PDCD7: variants seen among roughly 807,000 people sequenced by gnomAD.
PDCD7 encodes the protein programmed cell death protein 7.
Under a neutral mutation model 42.1 loss-of-function variants are expected in PDCD7, and 40 were observed. That is an observed-to-expected ratio of 0.95 (90% CI 0.74 to 1.24). The LOEUF (loss-of-function observed/expected upper bound fraction) is 1.24, where lower values mean the gene tolerates loss of function less well. Among genes scored for constraint, PDCD7 ranks in the 50% most tolerant of loss-of-function variants. The probability of loss-of-function intolerance (pLI) is 0.00; values close to 1 mark genes in which losing one functional copy is unlikely to be tolerated. For synonymous variants in PDCD7, 299 were observed against 303.3 expected, an observed-to-expected ratio of 0.99 and a Z score of 0.15; for missense variants, 644 against 662.8, an observed-to-expected ratio of 0.97 and a Z score of 0.31.
At chr15:65,132,838 A>T in intron 1 of PDCD7, 74 bp downstream of exon 1, 1 of 1,578,540 alleles carries the variant, frequency 6.3e-7, no homozygotes, top group South Asian at 1.1e-5. Context: ...TGGGAAATGG[A>T]AGTTTAAAGC....
At chr15:65,129,632 C>T (rs1171791683) in intron 1 of PDCD7, among the ~76,000 whole-genome samples, 1 of 152,190 alleles carries the variant, frequency 6.6e-6, no homozygotes, top group Non-Finnish European at 1.5e-5. Flanking sequence ...TCTAAAGTCC[C>T]AAGGATCTCT....
intron 3 of PDCD7, 49 bp from the exon 4 acceptor site, chr15:65,119,512 T>A (rs375701007): frequency 1.9e-5 from 27 of 1,401,260 alleles, no homozygotes; most frequent in Non-Finnish European, 2.2e-5. Flanking sequence ...ATATCCACAG[T>A]GTATTTCTCA....
intron 1 of PDCD7, among the ~76,000 whole-genome samples, chr15:65,130,239 C>T (rs988368120): frequency 2.0e-5 from 3 of 146,784 alleles, no homozygotes; most frequent in Non-Finnish European, 3.0e-5. Flanking sequence ...CTTACTGCAA[C>T]CTCCGCCTCC....
Position 65,133,198 on chromosome 15 carries a change from AGGGCCTGGCTCAG to A in PDCD7, c.571_583del (p.Leu191CysfsTer32). 2.1e-6 allele frequency: 3 copies of A among 1,433,634 alleles called. No homozygotes were observed. Among genetic ancestry groups the A allele is most frequent in the Non-Finnish European group, 2.7e-6 (3 of 1,104,900 alleles). 88.8% of individuals were successfully genotyped at this position (1,433,634 alleles called of 1,614,324 possible). The stretch of plus-strand genomic sequence containing the variant: ...CGCGCCGTCGGCTTCGGCCTCGCGC[AGGGCCTGGCTCAG>A]GCCGCGCAGCCGCCGCACCAGGCGC... On this transcript the variant is annotated frameshift_variant, in exon 1 of 5. Transcript: ENST00000204549. LOFTEE classifies it high-confidence loss of function.
Position 65,117,941 on chromosome 15 carries a change from G to A in PDCD7, c.*776C>T, listed in dbSNP as rs2087420850. ...CCATAGCTACACTGGCTCCTACAATGTGACTGAGTGAGGTTAGGGAAATAT... is the reference window on the plus strand; with the variant it reads ...CCATAGCTACACTGGCTCCTACAATATGACTGAGTGAGGTTAGGGAAATAT... On this transcript the variant is annotated 3_prime_UTR_variant, in exon 5 of 5. Transcript: ENST00000204549. 6.6e-6 allele frequency: 1 copy of A among 152,218 alleles called. No individual in the cohort carries two copies. The highest frequency in any genetic ancestry group is 6.5e-5 in the Admixed American group (1 of 15,282). The allele number at this position is 152,218 out of a possible 1,614,324, so 9.4% of individuals were successfully genotyped here.
Position 65,133,175 on chromosome 15 carries a change from C to T in PDCD7, c.607G>A (p.Ala203Thr). ...TGGGAGTACAGCAGGACCCAGGCCG[C>T]GCCGTCGGCTTCGGCCTCGCGCAGG... The part of the protein sequence containing the change: ...QALREAEADG[A>T]AWVLLYSQTA... Residue 203 changes from alanine to threonine, a missense_variant, in exon 1 of 5, where the codon GCG becomes ACG. Transcript: ENST00000204549. The T allele has an allele frequency of 6.9e-7, 1 of 1,456,642 alleles. No individual in the cohort carries two copies. The highest frequency in any genetic ancestry group is 9.0e-7 in the Non-Finnish European group (1 of 1,115,260). 90.2% of individuals were successfully genotyped at this position (1,456,642 alleles called of 1,614,324 possible). A position where few individuals can be genotyped will look rare whatever the true frequency, so the allele number is the denominator to read the frequency against.
intron 2 of PDCD7, among the ~76,000 whole-genome samples, chr15:65,126,940 T>C (rs1290317098): frequency 6.6e-6 from 1 of 152,164 alleles, no homozygotes; most frequent in East Asian, 1.9e-4. Context: ...TTCTTTGACT[T>C]GAGAATTATT....
At chr15:65,129,761 C>G (rs1260960741) in intron 1 of PDCD7, among the ~76,000 whole-genome samples, 1 of 152,068 alleles carries the variant, frequency 6.6e-6, no homozygotes, top group Non-Finnish European at 1.5e-5. Flanking sequence ...TCACCAATAT[C>G]CTCACCATGG....
intron 1 of PDCD7, among the ~76,000 whole-genome samples, chr15:65,131,675 G>A (rs2087541078): frequency 6.6e-6 from 1 of 152,152 alleles, no homozygotes; most frequent in South Asian, 2.1e-4. Context: ...CTTGAACCCG[G>A]GAGGTGGAGG....
intron 2 of PDCD7, among the ~76,000 whole-genome samples, chr15:65,120,252 C>T (rs1010164237): frequency 3.3e-5 from 5 of 152,144 alleles, no homozygotes; most frequent in African/African-American, 9.6e-5. Context: ...CTCCTGGGCC[C>T]GAGATCCTCC....
chr15:65,133,549 CCA>C lies in PDCD7; in HGVS notation c.231_232del (p.Gly78ArgfsTer46). The C allele has an allele frequency of 8.1e-7, 1 of 1,229,442 alleles. No individual in the cohort carries two copies. The allele number at this position is 1,229,442 out of a possible 1,614,324, so 76.2% of individuals were successfully genotyped here. ...CGGTGGTGGCACCGGGTAGAAGGCG[CCA>C]GCGCCGCCTCCGCCGCGGGAGGCCT... is the stretch of plus-strand genomic sequence containing the variant. On this transcript the variant is annotated frameshift_variant, in exon 1 of 5. Coordinates refer to ENST00000204549, the MANE Select transcript of PDCD7 (RefSeq NM_005707.2). LOFTEE classifies it high-confidence loss of function.
At chr15:65,126,958 A>C (rs2087501313) in intron 2 of PDCD7, among the ~76,000 whole-genome samples, 1 of 152,050 alleles carries the variant, frequency 6.6e-6, no homozygotes. Context: ...ATTCACTAAT[A>C]ATTCTGAATT....
intron 2 of PDCD7, among the ~76,000 whole-genome samples, chr15:65,127,554 C>T (rs548823641): frequency 8.6e-5 from 13 of 151,658 alleles, no homozygotes; most frequent in Admixed American, 2.0e-4. Flanking sequence ...CAATTTGCAA[C>T]GTGGTCCTGC....
chr15:65,120,263 C>T (rs2087442725), intron 2 of PDCD7, among the ~76,000 whole-genome samples: 1 of 152,122 alleles, frequency 6.6e-6, no homozygotes, highest in Admixed American at 6.6e-5. Flanking sequence ...GAGATCCTCC[C>T]ACCTCAGCCT....
intron 1 of PDCD7, 146 bp downstream of exon 1, chr15:65,132,766 G>T: frequency 8.4e-7 from 1 of 1,192,878 alleles, no homozygotes; most frequent in South Asian, 1.5e-5. Flanking sequence ...AATTAACATG[G>T]TGGTATGAGC....
At chr15:65,126,613 G>T (rs1364270485) in intron 2 of PDCD7, among the ~76,000 whole-genome samples, 1 of 151,874 alleles carries the variant, frequency 6.6e-6, no homozygotes, top group Non-Finnish European at 1.5e-5. Context: ...AATTAGCCAG[G>T]TGTGGTGGTG....
chr15:65,133,008 G>C lies in PDCD7; in HGVS notation c.774C>G (p.Ala258=), dbSNP rs557429900. ...CCCGCGCGGCCTCTGCCTCCCGCTC[G>C]GCCTCGCGTTCCCGGGCCCTCTCGC... is the stretch of plus-strand genomic sequence containing the variant. ...RLRERARERE[A]EREAEAARAV... The change falls in exon 1 of 5, where the codon GCC becomes GCG. Residue 258 remains alanine (A), a synonymous_variant. Transcript: ENST00000204549. The C allele has an allele frequency of 1.9e-6, 3 of 1,602,796 alleles. No homozygotes were observed. Among genetic ancestry groups the C allele is most frequent in the African/African-American group, 2.7e-5 (2 of 74,956 alleles).
In PDCD7 at chr15:65,133,751, G is replaced by A; in HGVS notation, c.31C>T (p.Arg11Cys). 1 of 1,326,284 alleles carries A rather than the reference G, an allele frequency of 7.5e-7. No homozygotes were observed. Among genetic ancestry groups the A allele is most frequent in the Non-Finnish European group, 9.7e-7 (1 of 1,035,464 alleles). The allele number at this position is 1,326,284 out of a possible 1,614,324, so 82.2% of individuals were successfully genotyped here. The change falls in exon 1 of 5, where the codon CGC becomes TGC. Residue 11 changes from arginine to cysteine, a missense_variant. By Grantham distance (180) the Arg-to-Cys change is radical (BLOSUM62 -3). Transcript: ENST00000204549. ...GGCTGCGGGGGCGGTGGGCCTGGGC[G>A]ACCCTGGCCGAAGAATGGTGGCAGG... MALPPFFGQG[R>C]PGPPPPQPPP...
Position 65,129,915 on chromosome 15 carries a change from ATTTTTTTTTTTTTTT to A in PDCD7, c.871-760_871-746del, listed in dbSNP as rs746709395. Reference sequence around the variant, plus strand: ...CCTGGGCAACAGAGTGAAACTTTGTATTTTTTTTTTTTTTTTTTTTTTTTTTGAGACAGGGTCTCA... The same window carrying A: ...CCTGGGCAACAGAGTGAAACTTTGTATTTTTTTTTTTGAGACAGGGTCTCA... On this transcript the variant is annotated intron_variant, in intron 1 of 4. Transcript: ENST00000204549. Among the ~76,000 whole-genome samples, 827 of 84,960 alleles carry A rather than the reference ATTTTTTTTTTTTTTT, an allele frequency of 9.7e-3. 5 individuals carry two copies. Among genetic ancestry groups the A allele is most frequent in the Middle Eastern group, 0.029 (4 of 140 alleles). 55.7% of individuals were successfully genotyped at this position (84,960 alleles called of 152,430 possible).
Sources: gnomAD v4.1 joint callset for allele counts (sites outside exome capture counted in the v4.1 genomes callset) on GRCh38, gnomAD v4.1.1 for gene constraint, MANE v1.5 for transcripts, NCBI Gene and HGNC (gene_info 2026-07-23, HGNC 2026-07-21) for gene names.